The following COX10 variants were observed in gnomAD, a reference collection of about 807,000 sequenced individuals.
The protein encoded by COX10 is cytochrome c oxidase assembly factor heme A:farnesyltransferase COX10, also known as protoheme IX farnesyltransferase, mitochondrial.
In COX10, 27 loss-of-function variants were observed where a neutral mutation model predicts 37.3. That is an observed-to-expected ratio of 0.72 (90% CI 0.53 to 1.00). The LOEUF (loss-of-function observed/expected upper bound fraction) is 1.00. COX10 is among the 50% of genes least tolerant of loss of function. The pLI, the probability that COX10 is intolerant of heterozygous loss-of-function variation, is 0.00. For missense variants in COX10, 475 were observed against 563.2 expected, an observed-to-expected ratio of 0.84 and a Z score of 1.59; for synonymous variants, 222 against 229.1, an observed-to-expected ratio of 0.97 and a Z score of 0.28.
At chr17:14,130,973 C>G (rs1378564668) in intron 4 of COX10, among the ~76,000 whole-genome samples, 1 of 152,150 alleles carries the variant, frequency 6.6e-6, no homozygotes, top group African/African-American at 2.4e-5. Context: ...TGTGCCTTCA[C>G]TAAGTATTAG....
intron 4 of COX10, among the ~76,000 whole-genome samples, chr17:14,154,955 A>G (rs1272757951): frequency 6.6e-6 from 1 of 152,216 alleles, no homozygotes; most frequent in African/African-American, 2.4e-5. Flanking sequence ...TAGATTAGTG[A>G]TAGCCTTTGA....
chr17:14,110,580 G>T (rs1915987667), intron 4 of COX10, among the ~76,000 whole-genome samples: 1 of 151,992 alleles, frequency 6.6e-6, no homozygotes, highest in African/African-American at 2.4e-5. Context: ...CCCCCACCTA[G>T]CAGAGGTCAA....
rs528865631 is a variant in COX10, at chr17:14,137,100, CCTT to C, written c.625-22771_625-22769del. ...GTTGGTGAGGATGCTAGAAGGCAGG[CCTT>C]CTTCTCACTGTTGGTGAAACTAAAT... On this transcript the variant is annotated intron_variant, in intron 4 of 6. Coordinates refer to ENST00000261643, the MANE Select transcript of COX10 (RefSeq NM_001303.4). 4.5e-4 allele frequency among the ~76,000 whole-genome samples: 69 copies of C among 151,704 alleles called. 2 individuals carry two copies. In the South Asian group the frequency reaches 0.014, roughly 32 times the overall value.
At chr17:14,175,706 G>A (rs1319762514) in intron 5 of COX10, among the ~76,000 whole-genome samples, 4 of 151,918 alleles carry the variant, frequency 2.6e-5, no homozygotes, top group African/African-American at 9.7e-5. Flanking sequence ...CATTCTAGGT[G>A]GGCATCAATG....
At chr17:14,083,007 C>T (rs928041998) in intron 3 of COX10, among the ~76,000 whole-genome samples, 3 of 152,176 alleles carry the variant, frequency 2.0e-5, no homozygotes, top group Non-Finnish European at 4.4e-5. Flanking sequence ...TAGTGAGAGC[C>T]AGCGGAGCCG....
chr17:14,176,457 T>C (rs994392850), intron 5 of COX10, among the ~76,000 whole-genome samples: 2 of 152,152 alleles, frequency 1.3e-5, no homozygotes, highest in Admixed American at 6.5e-5. Flanking sequence ...CAGAACCCCA[T>C]AGAATTCTCC....
At chr17:14,100,913 G>T (rs187613840) in intron 3 of COX10, among the ~76,000 whole-genome samples, 1 of 152,080 alleles carries the variant, frequency 6.6e-6, no homozygotes, top group African/African-American at 2.4e-5. Context: ...TTGTTGTTGG[G>T]GGGTGTCCTA....
intron 4 of COX10, among the ~76,000 whole-genome samples, chr17:14,123,808 C>A (rs574321742): frequency 1.4e-4 from 21 of 152,096 alleles, no homozygotes; most frequent in Non-Finnish European, 5.9e-5. Context: ...GGAAGGGCTA[C>A]CAATATGAGA....
At chr17:14,092,529 T>A (rs544371190) in intron 3 of COX10, among the ~76,000 whole-genome samples, 167 of 152,268 alleles carry the variant, frequency 1.1e-3, no homozygotes, top group Middle Eastern at 3.4e-3. Context: ...AGGCCCCTGA[T>A]TGATACCTTT....
At chr17:14,151,767 A>T (rs1440415603) in intron 4 of COX10, among the ~76,000 whole-genome samples, 2 of 152,212 alleles carry the variant, frequency 1.3e-5, no homozygotes, top group African/African-American at 2.4e-5. Flanking sequence ...GAAGGGAAGG[A>T]ATGTGAATGT....
intron 6 of COX10, among the ~76,000 whole-genome samples, chr17:14,201,905 A>G (rs1046325045): frequency 5.9e-5 from 9 of 152,148 alleles, no homozygotes; most frequent in African/African-American, 1.9e-4. Flanking sequence ...CAGTCACTTT[A>G]AAATCCAGAG....
intron 4 of COX10, among the ~76,000 whole-genome samples, chr17:14,104,098 C>T (rs934182176): frequency 6.6e-6 from 1 of 152,118 alleles, no homozygotes; most frequent in Non-Finnish European, 1.5e-5. Flanking sequence ...TCCTGAGTGA[C>T]GTGAGTTCCT....
chr17:14,144,775 G>A (rs1326884945), intron 4 of COX10, among the ~76,000 whole-genome samples: 1 of 152,122 alleles, frequency 6.6e-6, no homozygotes, highest in Non-Finnish European at 1.5e-5. Flanking sequence ...TGCTGGCTAC[G>A]ATGTGAGCTC....
At chr17:14,109,179 C>G (rs1343239470) in intron 4 of COX10, among the ~76,000 whole-genome samples, 2 of 152,090 alleles carry the variant, frequency 1.3e-5, no homozygotes, top group African/African-American at 2.4e-5. Flanking sequence ...TCAGGTTTGC[C>G]TAGAGAGTTC....
rs1567607448 is a variant in COX10, at chr17:14,172,572, C to CTTTTCCT, written c.695+12629_695+12630insCCTTTTT. On this transcript the variant is annotated intron_variant, in intron 5 of 6. Transcript: ENST00000261643. The stretch of plus-strand genomic sequence containing the variant: ...GGCTATTCGTATGTCTTCTTTTTTT[C>CTTTTCCT]TTTTTCTTTTTTTTTTTTTTTTTTT... Among the ~76,000 whole-genome samples, 5 of 122,760 alleles carry CTTTTCCT rather than the reference C, an allele frequency of 4.1e-5. 1 individual carries two copies. Among genetic ancestry groups the CTTTTCCT allele is most frequent in the African/African-American group, 6.0e-5 (2 of 33,210 alleles). 80.5% of individuals were successfully genotyped at this position (122,760 alleles called of 152,430 possible).
chr17:14,102,781 A>G (rs747383703), intron 4 of COX10, among the ~76,000 whole-genome samples: 7 of 152,178 alleles, frequency 4.6e-5, no homozygotes, highest in Non-Finnish European at 8.8e-5. Flanking sequence ...AAACATCAAA[A>G]TAATTCTCCC....
At chr17:14,069,671 G>T in intron 1 of COX10, 23 bp downstream of exon 1, 1 of 1,613,878 alleles carries the variant, frequency 6.2e-7, no homozygotes, top group Non-Finnish European at 8.5e-7. Flanking sequence ...CCTTGGGCAC[G>T]ACCTTGGGGG....
rs3785660 is a variant in COX10 at position 14,206,618 on chromosome 17, C to T, written c.929-192C>T. On this transcript the variant is annotated intron_variant, in intron 6 of 6. Coordinates refer to ENST00000261643, the MANE Select transcript of COX10 (RefSeq NM_001303.4). ...TGAGAAAGGAGGGATCTTAGCTCAT[C>T]GGCTGCCCCACCAGCCTGATGTAGG... 2.3e-4 allele frequency among the ~76,000 whole-genome samples: 35 copies of T among 152,256 alleles called. No homozygotes were observed. In the East Asian group the frequency reaches 5.1e-3, roughly 22 times the overall value.
At chr17:14,093,737 G>C (rs567897540) in intron 3 of COX10, among the ~76,000 whole-genome samples, 5 of 152,168 alleles carry the variant, frequency 3.3e-5, no homozygotes, top group Admixed American at 6.5e-5. Flanking sequence ...AGGAAGAAGC[G>C]TCATCATGGA....
Sources: allele counts gnomAD v4.1 joint callset (sites outside exome capture counted in the v4.1 genomes callset), GRCh38; gene constraint gnomAD v4.1.1; transcripts MANE v1.5; gene names NCBI Gene and HGNC (gene_info 2026-07-23, HGNC 2026-07-21).